PSMG4: variants seen among roughly 807,000 people sequenced by gnomAD.
The protein encoded by PSMG4 is proteasome (prosome, macropain) assembly chaperone 4.
PSMG4 carries 10 observed loss-of-function variants against 11.0 expected under a neutral mutation model. The observed-to-expected ratio is 0.91, with a 90% CI of 0.56 to 1.54. The LOEUF is 1.54. PSMG4 is among the 40% of genes most tolerant of loss of function. PSMG4 has a pLI of 0.00. For synonymous variants in PSMG4, 95 were observed against 71.3 expected (o/e 1.33, Z -1.68); for missense variants, 198 against 160.9 (o/e 1.23, Z -1.25).
At chr6:3,254,574 G>A (rs1386065706), upstream of PSMG4, among the ~76,000 whole-genome samples, 1 of 152,134 alleles carries the variant, frequency 6.6e-6, no homozygotes, top group Non-Finnish European at 1.5e-5. Flanking sequence ...TTGTGAGGCT[G>A]GGAACCCAAC....
intron 2 of PSMG4, chr6:3,264,512 T>A: frequency 1.8e-6 from 2 of 1,132,666 alleles, no homozygotes; most frequent in Non-Finnish European, 2.4e-6. Context: ...TCAGTCACAC[T>A]GAGGCAAATG....
At chr6:3,263,784 A>G (rs759296870) in intron 2 of PSMG4, 25 bp downstream of exon 2, 1 of 1,546,260 alleles carries the variant, frequency 6.5e-7, no homozygotes, top group Non-Finnish European at 8.7e-7. Flanking sequence ...CTGGCGCTGC[A>G]TGGCCAGCCA....
upstream of PSMG4, chr6:3,255,362 C>A (rs908767709): frequency 2.8e-6 from 4 of 1,436,688 alleles, no homozygotes; most frequent in Non-Finnish European, 9.2e-7. Context: ...CTTAATTTTT[C>A]CTGTGGTGGA....
chr6:3,255,368 G>A (rs143431419), upstream of PSMG4: 4 of 1,428,068 alleles, frequency 2.8e-6, no homozygotes, highest in Non-Finnish European at 3.7e-6. Flanking sequence ...TTTTCCTGTG[G>A]TGGATGATGT....
intron 2 of PSMG4, chr6:3,265,040 T>G (rs1758129209): frequency 6.6e-6 from 1 of 152,114 alleles, no homozygotes. Flanking sequence ...TGGCAGGCCG[T>G]GAATAACTTT....
At chr6:3,258,880 C>A, upstream of PSMG4, 1 of 823,412 alleles carries the variant, frequency 1.2e-6, no homozygotes, top group Non-Finnish European at 1.6e-6. Flanking sequence ...CGCCCCTCCC[C>A]GACCACGCCC....
chr6:3,256,900 A>G (rs1051999454), upstream of PSMG4, among the ~76,000 whole-genome samples: 1 of 152,070 alleles, frequency 6.6e-6, no homozygotes, highest in African/African-American at 2.4e-5. Context: ...GTTTTTTTTG[A>G]AGTGGACCTA....
chr6:3,254,444 T>G (rs556598668), upstream of PSMG4, among the ~76,000 whole-genome samples: 8 of 69,076 alleles, frequency 1.2e-4, no homozygotes, highest in Non-Finnish European at 3.8e-4. Flanking sequence ...GCTGTAATAG[T>G]TTTCTGCTTT....
At chr6:3,258,869 T>G, upstream of PSMG4, 1 of 682,844 alleles carries the variant, frequency 1.5e-6, no homozygotes, top group Non-Finnish European at 2.0e-6. Flanking sequence ...AAGCCCGGGA[T>G]CGCCCCTCCC....
chr6:3,263,382 CCTTCAGCATGCTTTGGAGTTTGAGACA>C (rs1463186188), intron 1 of PSMG4, among the ~76,000 whole-genome samples: 1 of 152,224 alleles, frequency 6.6e-6, no homozygotes, highest in African/African-American at 2.4e-5. Context: ...GTGGTGTTGC[CCTTCAGCATGCTTTGGAGTTTGAGACA>C]CTAAAACGAG....
At chr6:3,254,946 C>A, upstream of PSMG4, 1 of 1,279,180 alleles carries the variant, frequency 7.8e-7, no homozygotes, top group Non-Finnish European at 1.1e-6. Flanking sequence ...TGGGTGTCAG[C>A]TGTTGGGTGT....
rs1757856973 is a variant in PSMG4 at position 3,258,976 on chromosome 6, G to GCGAGGACCCGGGGCTGGCAGCA, written c.-47_-46insCGAGGACCCGGGGCTGGCAGCA. ...CATCGGGTCTGGCGGGGCTGGCAGC[G>GCGAGGACCCGGGGCTGGCAGCA]GCGAGGACCCGGGTCTGGCGCTGTG... On this transcript the variant is annotated 5_prime_UTR_variant, in exon 1 of 3. Coordinates refer to ENST00000438998, the MANE Select transcript of PSMG4 (RefSeq NM_001128591.2). 1.6e-6 allele frequency: 2 copies of GCGAGGACCCGGGGCTGGCAGCA among 1,235,710 alleles called. No individual in the cohort carries two copies. The highest frequency in any genetic ancestry group is 3.1e-5 in the African/African-American group (2 of 64,302). The allele number at this position is 1,235,710 out of a possible 1,614,324, so 76.5% of individuals were successfully genotyped here. A position where few individuals can be genotyped will look rare whatever the true frequency, so the allele number is the denominator to read the frequency against.
chr6:3,266,147 TCTCC>T (rs1758173829), intron 2 of PSMG4: 1 of 152,012 alleles, frequency 6.6e-6, no homozygotes, highest in South Asian at 2.1e-4. Context: ...GGTCCTGGGC[TCTCC>T]CTCTCCTCAA....
At chr6:3,254,897 T>G (rs182443927), upstream of PSMG4, among the ~76,000 whole-genome samples, 6 of 150,614 alleles carry the variant, frequency 4.0e-5, no homozygotes, top group Admixed American at 3.3e-4. Flanking sequence ...ACCTTGTAAG[T>G]GAATGATCTC....
At chr6:3,254,601 T>C (rs1757676476), upstream of PSMG4, among the ~76,000 whole-genome samples, 3 of 152,260 alleles carry the variant, frequency 2.0e-5, no homozygotes, top group Middle Eastern at 3.4e-3. Flanking sequence ...AGTAAATAAT[T>C]CCAGTAGGCG....
At chr6:3,263,968 C>A in intron 2 of PSMG4, 1 of 1,357,368 alleles carries the variant, frequency 7.4e-7, no homozygotes, top group Non-Finnish European at 9.8e-7. Flanking sequence ...CCAGGGCTGG[C>A]CTGTTCCCAA....
intron 1 of PSMG4, among the ~76,000 whole-genome samples, chr6:3,260,841 G>A (rs1328082085): frequency 6.6e-6 from 1 of 152,148 alleles, no homozygotes; most frequent in Non-Finnish European, 1.5e-5. Flanking sequence ...AACCTTTCAC[G>A]AGGTGAACTC....
upstream of PSMG4, among the ~76,000 whole-genome samples, chr6:3,258,510 C>G (rs891528023): frequency 6.6e-6 from 1 of 152,150 alleles, no homozygotes; most frequent in Non-Finnish European, 1.5e-5. Context: ...GGGAGGTGGC[C>G]GTTCTCAGAG....
At chr6:3,260,283 ATATATATATT>A (rs1490206159) in intron 1 of PSMG4, among the ~76,000 whole-genome samples, 21 of 30,224 alleles carry the variant, frequency 6.9e-4, no homozygotes, top group African/African-American at 2.6e-3. Flanking sequence ...AATTGTATAT[ATATATATATT>A]TTTTTTTTTT....
Sources: gnomAD v4.1 joint callset for allele counts (sites outside exome capture counted in the v4.1 genomes callset) on GRCh38, gnomAD v4.1.1 for gene constraint, MANE v1.5 for transcripts, NCBI Gene and HGNC (gene_info 2026-07-23, HGNC 2026-07-21) for gene names.